Variants in PAXIP1 observed in about 807,000 individuals in gnomAD.
PAXIP1 encodes the protein PAX interacting protein 1, also known as PAX-interacting protein 1.
Under a neutral mutation model 140.6 loss-of-function variants are expected in PAXIP1, and 19 were observed. The ratio of observed to expected loss-of-function variants is 0.14; its 90% confidence interval spans 0.09 to 0.20. The LOEUF is 0.20. Ranked by LOEUF, PAXIP1 falls within the 10% of genes least tolerant of loss-of-function variation. The pLI is 1.00. For synonymous variants in PAXIP1, 442 were observed against 444.6 expected, an observed-to-expected ratio of 0.99 and a Z score of 0.07; for missense variants, 920 against 1,208.6, an observed-to-expected ratio of 0.76 and a Z score of 3.54.
intron 13 of PAXIP1, among the ~76,000 whole-genome samples, chr7:154,958,243 G>A (rs1336659455): frequency 6.6e-6 from 1 of 152,142 alleles, no homozygotes; most frequent in Non-Finnish European, 1.5e-5. Context: ...AAGGAGATGG[G>A]ATTCCCTTGT....
Position 154,968,842 on chromosome 7 carries a change from C to CTGCTGT in PAXIP1, c.1353_1358dup (p.Gln456_Gln457dup). On this transcript the variant is annotated inframe_insertion, in exon 7 of 21. Transcript: ENST00000404141. The stretch of plus-strand genomic sequence containing the variant: ...GATGCGGATGGGCTTGCTGCTGCTG[C>CTGCTGT]TGCTGTTGCTGTGAAAATGGATGCG... The CTGCTGT allele has an allele frequency of 2.6e-6, 2 of 761,948 alleles. No individual in the cohort carries two copies. The highest frequency in any genetic ancestry group is 1.5e-5 in the South Asian group (1 of 68,432). 47.2% of individuals were successfully genotyped at this position (761,948 alleles called of 1,614,324 possible). A position where few individuals can be genotyped will look rare whatever the true frequency, so the allele number is the denominator to read the frequency against.
chr7:154,977,580 TG>T (rs1809642780), intron 5 of PAXIP1, among the ~76,000 whole-genome samples: 1 of 152,246 alleles, frequency 6.6e-6, no homozygotes, highest in African/African-American at 2.4e-5. Context: ...TTTGTGAGTT[TG>T]TTCTTTCTCA....
chr7:154,979,835 AG>A (rs1442573328), intron 5 of PAXIP1, among the ~76,000 whole-genome samples: 5 of 152,180 alleles, frequency 3.3e-5, no homozygotes, highest in Non-Finnish European at 7.4e-5. Context: ...ACGCCATAGA[AG>A]GGTGCATGGC....
chr7:154,978,217 C>T lies in PAXIP1; in HGVS notation c.439-1886G>A, dbSNP rs182505710. ...TCAAAGGCTTTTACAGTTTCCTCTT[C>T]GGTTGCACAGCTGTGTACCTTAGTT... On this transcript the variant is annotated intron_variant, in intron 5 of 20. Coordinates refer to ENST00000404141, the MANE Select transcript of PAXIP1 (RefSeq NM_007349.4). 1.2e-3 allele frequency among the ~76,000 whole-genome samples: 184 copies of T among 152,350 alleles called. 1 individual carries two copies. Among genetic ancestry groups the T allele is most frequent in the East Asian group, 9.0e-3 (47 of 5,194 alleles).
At chr7:154,989,673 A>G (rs1810234442) in intron 4 of PAXIP1, among the ~76,000 whole-genome samples, 1 of 152,244 alleles carries the variant, frequency 6.6e-6, no homozygotes, top group Admixed American at 6.5e-5. Context: ...GGGGGTTAGA[A>G]AAACAAAATA....
chr7:154,984,872 G>A (rs983429642), intron 4 of PAXIP1, among the ~76,000 whole-genome samples: 4 of 152,168 alleles, frequency 2.6e-5, no homozygotes, highest in Non-Finnish European at 5.9e-5. Context: ...TTTACTGACT[G>A]CAGTAAATCT....
intron 4 of PAXIP1, among the ~76,000 whole-genome samples, chr7:154,987,915 G>T (rs1810149774): frequency 6.6e-6 from 1 of 152,182 alleles, no homozygotes; most frequent in African/African-American, 2.4e-5. Flanking sequence ...TGCCCTGCAA[G>T]TCATCCTCAG....
chr7:155,002,777 G>T (rs1040618764), intron 1 of PAXIP1, 72 bp downstream of exon 1: 11 of 740,608 alleles, frequency 1.5e-5, no homozygotes, highest in Non-Finnish European at 1.9e-5. Context: ...CAGGAGCGGG[G>T]ACGGGGACGG....
intron 5 of PAXIP1, among the ~76,000 whole-genome samples, chr7:154,980,675 A>G (rs1229382413): frequency 1.3e-5 from 2 of 152,194 alleles, no homozygotes; most frequent in Non-Finnish European, 2.9e-5. Context: ...GGCCTCCCAA[A>G]GTGCTGGGAT....
intron 5 of PAXIP1, among the ~76,000 whole-genome samples, chr7:154,977,562 A>G (rs574297355): frequency 3.9e-5 from 6 of 152,204 alleles, no homozygotes; most frequent in Admixed American, 3.9e-4. Context: ...TCAGTGACTT[A>G]ACTTGTGTTT....
chr7:154,944,315 A>G, intron 20 of PAXIP1, 151 bp from the exon 21 acceptor site: 1 of 609,602 alleles, frequency 1.6e-6, no homozygotes, highest in Non-Finnish European at 2.8e-6. Context: ...GCTCTGCTGC[A>G]TACCCACATC....
intron 1 of PAXIP1, chr7:155,001,965 T>TCC (rs2150793774): frequency 6.6e-6 from 1 of 152,360 alleles, no homozygotes; most frequent in Non-Finnish European, 1.5e-5. Context: ...TCACTGGGGA[T>TCC]CCCCATCCTC....
intron 5 of PAXIP1, among the ~76,000 whole-genome samples, chr7:154,980,927 G>A (rs959074637): frequency 3.9e-5 from 6 of 152,100 alleles, no homozygotes; most frequent in Non-Finnish European, 7.3e-5. Context: ...TCAGGAGTTC[G>A]AGACCAGCCT....
Position 154,995,829 on chromosome 7 carries a change from A to G in PAXIP1, c.217-2060T>C, listed in dbSNP as rs944865512. ...ACACCATTGCACTCCAGCCTGGGAG[A>G]TTCTGTCTGAAAAAAAATTAAATAA... On this transcript the variant is annotated intron_variant, in intron 2 of 20. Coordinates refer to ENST00000404141, the MANE Select transcript of PAXIP1 (RefSeq NM_007349.4). Among the ~76,000 whole-genome samples the G allele has an allele frequency of 2.0e-5, 3 of 152,328 alleles. No homozygotes were observed. In the East Asian group the frequency reaches 5.8e-4, roughly 29 times the overall value.
chr7:154,944,234 A>G (rs1807821946), intron 20 of PAXIP1, 70 bp from the exon 21 acceptor site: 7 of 1,404,618 alleles, frequency 5.0e-6, no homozygotes, highest in African/African-American at 1.4e-5. Flanking sequence ...GGGTTCCAAC[A>G]TTCATCATCC....
chr7:154,962,454 A>T lies in PAXIP1; in HGVS notation c.1994T>A (p.Ile665Lys). 6.2e-7 allele frequency: 1 copy of T among 1,611,860 alleles called. No homozygotes were observed. The highest frequency in any genetic ancestry group is 8.5e-7 in the Non-Finnish European group (1 of 1,178,888). The change falls in exon 10 of 21, where the codon ATA becomes AAA. Residue 665 changes from isoleucine to lysine, a missense_variant. Physicochemically the swap from Ile to Lys is moderately radical, Grantham distance 102. Around this residue, in one of 5 missense-constraint regions of PAXIP1, gnomAD observed 303 missense variants for 517.9 expected, o/e 0.59. Coordinates refer to ENST00000404141, the MANE Select transcript of PAXIP1 (RefSeq NM_007349.4). ...SQVSSAYAQA[I>K]RERKRCVTAH... ...AGTAACACATCTCTTTCTTTCTCTT[A>T]TTGCCTGTCAAACATAAAATTATAG...
intron 2 of PAXIP1, among the ~76,000 whole-genome samples, chr7:154,996,191 G>A (rs912318469): frequency 6.6e-6 from 1 of 152,122 alleles, no homozygotes; most frequent in South Asian, 2.1e-4. Context: ...TTCAAACTAA[G>A]AATATCAGGA....
intron 8 of PAXIP1, among the ~76,000 whole-genome samples, chr7:154,966,907 C>T (rs1809050909): frequency 1.3e-5 from 2 of 152,238 alleles, no homozygotes; most frequent in East Asian, 3.8e-4. Context: ...CTCCTTTGCA[C>T]CCTCCTGTCA....
At chr7:154,948,336 A>G (rs1463959545) in intron 16 of PAXIP1, 1 of 273,870 alleles carries the variant, frequency 3.7e-6, no homozygotes, top group African/African-American at 2.2e-5. Context: ...GCTTGATGCC[A>G]GGAGTTCGAG....
Sources: allele counts gnomAD v4.1 joint callset (sites outside exome capture counted in the v4.1 genomes callset), GRCh38; gene constraint gnomAD v4.1.1; regional missense constraint gnomAD v4.1.1; transcripts MANE v1.5; gene names NCBI Gene and HGNC (gene_info 2026-07-23, HGNC 2026-07-21).